PTPRD: variants seen among roughly 807,000 people sequenced by gnomAD.
The protein encoded by PTPRD is receptor-type tyrosine-protein phosphatase delta.
Under a neutral mutation model 214.5 loss-of-function variants are expected in PTPRD, and 34 were observed. The observed-to-expected ratio is 0.16, with a 90% CI of 0.12 to 0.21. The LOEUF (loss-of-function observed/expected upper bound fraction) is 0.21, where lower values mean the gene tolerates loss of function less well. Ranked by LOEUF, PTPRD falls within the 10% of genes least tolerant of loss-of-function variation. PTPRD has a pLI of 1.00. For missense variants in PTPRD, 2,545 were observed against 2,398.7 expected, an observed-to-expected ratio of 1.06 and a Z score of -1.27; for synonymous variants, 1,128 against 845.7, an observed-to-expected ratio of 1.33 and a Z score of -5.79.
chr9:8,733,764 G>C lies in PTPRD; in HGVS notation c.64+16C>G, dbSNP rs1366976935. ...ATTATGGTCACAGCCCCCTAGAGAA[G>C]GGGAGAATGGCTTACTCTCAGCATC... On this transcript the variant is annotated intron_variant, in intron 12 of 45. Coordinates refer to ENST00000381196, the MANE Select transcript of PTPRD (RefSeq NM_002839.4). 6.4e-7 allele frequency: 1 copy of C among 1,551,920 alleles called. No homozygotes were observed. The highest frequency in any genetic ancestry group is 8.7e-7 in the Non-Finnish European group (1 of 1,147,048).
At chr9:9,099,986 T>C (rs2099789098) in intron 10 of PTPRD, among the ~76,000 whole-genome samples, 1 of 152,158 alleles carries the variant, frequency 6.6e-6, no homozygotes, top group Non-Finnish European at 1.5e-5. Context: ...ATGGTCTTAT[T>C]TATATAAAAG....
intron 12 of PTPRD, among the ~76,000 whole-genome samples, chr9:8,706,292 A>G (rs549587237): frequency 2.8e-3 from 430 of 152,326 alleles, no homozygotes; most frequent in African/African-American, 9.4e-3. Context: ...TATTTATCCC[A>G]AGGTAAAACA....
rs879881642 is a variant in PTPRD at position 10,418,498 on chromosome 9, C to CACACACAT, written c.-599-77482_-599-77481insATGTGTGT. Among the ~76,000 whole-genome samples, 950 of 141,598 alleles carry CACACACAT rather than the reference C, an allele frequency of 6.7e-3. 20 individuals are homozygous for CACACACAT. Among genetic ancestry groups the CACACACAT allele is most frequent in the African/African-American group, 0.023 (877 of 38,036 alleles). The allele number at this position is 141,598 out of a possible 152,430, so 92.9% of individuals were successfully genotyped here. On this transcript the variant is annotated intron_variant, in intron 2 of 45. Coordinates refer to ENST00000381196, the MANE Select transcript of PTPRD (RefSeq NM_002839.4). ...ACACACACACACACACACACACACACTTCATATCCTTCCTTCTGCTGTAAT... is the reference window on the plus strand; with the variant it reads ...ACACACACACACACACACACACACACACACACATTTCATATCCTTCCTTCTGCTGTAAT...
intron 2 of PTPRD, among the ~76,000 whole-genome samples, chr9:10,488,346 A>G (rs1454956080): frequency 2.4e-4 from 35 of 146,152 alleles, no homozygotes; most frequent in African/African-American, 4.6e-4. Flanking sequence ...CAGCCTGGGC[A>G]ACAGAGTGAG....
At chr9:8,557,724 C>G (rs1345707332) in intron 14 of PTPRD, among the ~76,000 whole-genome samples, 7 of 117,452 alleles carry the variant, frequency 6.0e-5, no homozygotes, top group Non-Finnish European at 1.2e-4. Flanking sequence ...GCCTGGGTGA[C>G]AGAGCGAGAC....
At chr9:10,111,502 T>A (rs998166906) in intron 3 of PTPRD, among the ~76,000 whole-genome samples, 3 of 152,058 alleles carry the variant, frequency 2.0e-5, no homozygotes, top group Admixed American at 6.6e-5. Context: ...CCTCCCAAAG[T>A]GCTGGGATTA....
chr9:8,424,344 C>G (rs1179573862), intron 35 of PTPRD, among the ~76,000 whole-genome samples: 1 of 152,090 alleles, frequency 6.6e-6, no homozygotes, highest in Non-Finnish European at 1.5e-5. Context: ...TCAGACTACA[C>G]GGGTTCATAT....
chr9:9,920,425 T>C (rs886433371), intron 5 of PTPRD, among the ~76,000 whole-genome samples: 2 of 152,146 alleles, frequency 1.3e-5, no homozygotes, highest in Admixed American at 6.6e-5. Flanking sequence ...CTCACTGATG[T>C]TGAAAAACAT....
chr9:8,473,358 C>A (rs1297275454), intron 30 of PTPRD, among the ~76,000 whole-genome samples: 1 of 152,114 alleles, frequency 6.6e-6, no homozygotes, highest in Non-Finnish European at 1.5e-5. Flanking sequence ...GAGTAAGCTT[C>A]CCCCTCTCCT....
chr9:9,614,879 T>C (rs2094758992), intron 7 of PTPRD, among the ~76,000 whole-genome samples: 1 of 152,154 alleles, frequency 6.6e-6, no homozygotes. Context: ...CACTTACCAA[T>C]TTATTGCCTC....
chr9:9,523,613 T>TA lies in PTPRD; in HGVS notation c.-237+51118dup, dbSNP rs201247089. ...CTGCTTTCACTGAAACTGCCCTTGT[T>TA]AAAGTCCTTGACTTTCCAAAGCAAA... On this transcript the variant is annotated intron_variant, in intron 8 of 45. Coordinates refer to ENST00000381196, the MANE Select transcript of PTPRD (RefSeq NM_002839.4). Among the ~76,000 whole-genome samples the TA allele has an allele frequency of 9.9e-3, 1,502 of 152,250 alleles. 27 individuals carry two copies. The highest frequency in any genetic ancestry group is 0.033 in the African/African-American group (1,356 of 41,542).
At chr9:10,546,714 T>C (rs2060248271) in intron 2 of PTPRD, among the ~76,000 whole-genome samples, 1 of 152,056 alleles carries the variant, frequency 6.6e-6, no homozygotes, top group South Asian at 2.1e-4. Flanking sequence ...ATTAGTAATA[T>C]TAATGTGAGC....
At chr9:10,478,316 A>G (rs1412061290) in intron 2 of PTPRD, among the ~76,000 whole-genome samples, 1 of 152,194 alleles carries the variant, frequency 6.6e-6, no homozygotes, top group Non-Finnish European at 1.5e-5. Context: ...TGTATAAAAT[A>G]TAAAATATGA....
intron 4 of PTPRD, among the ~76,000 whole-genome samples, chr9:9,996,218 G>C (rs1028777119): frequency 2.0e-5 from 3 of 152,154 alleles, no homozygotes; most frequent in Non-Finnish European, 4.4e-5. Flanking sequence ...TATGGTGTTA[G>C]TTCATAACTT....
intron 10 of PTPRD, among the ~76,000 whole-genome samples, chr9:9,180,463 C>T (rs4269595): frequency 9.7e-6 from 1 of 102,676 alleles, no homozygotes; most frequent in African/African-American, 3.9e-5. Context: ...GGGGGGAGGG[C>T]GGAGGGATAG....
chr9:8,460,349 G>T (rs1386172087), intron 33 of PTPRD, 62 bp downstream of exon 33: 1 of 1,581,524 alleles, frequency 6.3e-7, no homozygotes, highest in South Asian at 1.1e-5. Context: ...GCAGAACAAT[G>T]ATCAAGTCTT....
chr9:10,326,034 T>G (rs1190310161), intron 3 of PTPRD, among the ~76,000 whole-genome samples: 1 of 151,814 alleles, frequency 6.6e-6, no homozygotes, highest in Non-Finnish European at 1.5e-5. Context: ...CAAACCGAGA[T>G]TTTGATCCAC....
At chr9:9,906,066 G>GA (rs1041196072) in intron 5 of PTPRD, among the ~76,000 whole-genome samples, 9 of 152,016 alleles carry the variant, frequency 5.9e-5, no homozygotes, top group African/African-American at 2.2e-4. Flanking sequence ...ACACAGAATA[G>GA]AAAAAATACA....
At chr9:10,488,429 T>A (rs949098567) in intron 2 of PTPRD, among the ~76,000 whole-genome samples, 11 of 151,252 alleles carry the variant, frequency 7.3e-5, no homozygotes, top group Non-Finnish European at 1.5e-4. Context: ...CACTGTGTCT[T>A]GCCCAAGGCC....
Sources: gnomAD v4.1 joint callset for allele counts (sites outside exome capture counted in the v4.1 genomes callset) on GRCh38, gnomAD v4.1.1 for gene constraint, MANE v1.5 for transcripts, NCBI Gene and HGNC (gene_info 2026-07-23, HGNC 2026-07-21) for gene names.